The following BACH2 variants were observed in gnomAD, a reference collection of about 807,000 sequenced individuals.
BACH2 encodes the protein transcription regulator protein BACH2.
BACH2 carries 5 observed loss-of-function variants against 61.8 expected under a neutral mutation model. The ratio of observed to expected loss-of-function variants is 0.08; its 90% CI spans 0.04 to 0.17. The LOEUF is 0.17. Ranked by LOEUF, BACH2 falls within the 10% of genes least tolerant of loss-of-function variation. BACH2 has a pLI of 1.00. For synonymous variants in BACH2, 446 were observed against 440.1 expected, an observed-to-expected ratio of 1.01 and a Z score of -0.17; for missense variants, 824 against 1,091.1, an observed-to-expected ratio of 0.76 and a Z score of 3.45.
intron 4 of BACH2, among the ~76,000 whole-genome samples, chr6:90,172,052 A>C (rs1327243874): frequency 1.3e-5 from 2 of 152,254 alleles, no homozygotes; most frequent in African/African-American, 4.8e-5. Context: ...TCACGCCTGT[A>C]ATTCCAGCAC....
intron 6 of BACH2, among the ~76,000 whole-genome samples, chr6:89,984,849 AACAC>A (rs2128363919): frequency 6.6e-6 from 1 of 152,372 alleles, no homozygotes; most frequent in Admixed American, 6.5e-5. Context: ...TCTCAAGTTT[AACAC>A]ACGAATCATA....
chr6:90,234,852 G>T (rs2127861753), intron 3 of BACH2, among the ~76,000 whole-genome samples: 1 of 152,316 alleles, frequency 6.6e-6, no homozygotes, highest in South Asian at 2.1e-4. Context: ...GCTAGAGGCA[G>T]CCTAGGGCCA....
intron 1 of BACH2, among the ~76,000 whole-genome samples, chr6:90,278,616 C>T (rs1771765816): frequency 6.6e-6 from 1 of 152,190 alleles, no homozygotes; most frequent in Non-Finnish European, 1.5e-5. Context: ...CCCTTCAATG[C>T]TCTGTACATT....
intron 3 of BACH2, among the ~76,000 whole-genome samples, chr6:90,214,447 T>C (rs1769460391): frequency 6.6e-6 from 1 of 152,166 alleles, no homozygotes; most frequent in Non-Finnish European, 1.5e-5. Context: ...ATGGGTTACT[T>C]CAGAGTGATC....
At chr6:90,188,859 GC>G (rs1472269195) in intron 4 of BACH2, among the ~76,000 whole-genome samples, 1 of 151,340 alleles carries the variant, frequency 6.6e-6, no homozygotes, top group Non-Finnish European at 1.5e-5. Flanking sequence ...CCAAAGGCTA[GC>G]TCTGAACATT....
At chr6:90,005,048 T>C (rs1250773018) in intron 6 of BACH2, among the ~76,000 whole-genome samples, 2 of 152,158 alleles carry the variant, frequency 1.3e-5, no homozygotes, top group Non-Finnish European at 2.9e-5. Context: ...TATTTTTGTC[T>C]GTCTTTCAGT....
At chr6:90,211,032 G>A (rs139198907) in intron 3 of BACH2, among the ~76,000 whole-genome samples, 1,553 of 143,958 alleles carry the variant, frequency 0.011, 35 homozygotes, top group African/African-American at 0.038. Flanking sequence ...GGGCAGGCCT[G>A]TAATCCCAGC....
chr6:90,018,666 A>G (rs918850750), intron 5 of BACH2, among the ~76,000 whole-genome samples: 1 of 152,226 alleles, frequency 6.6e-6, no homozygotes, highest in Admixed American at 6.5e-5. Flanking sequence ...CATAGTATAA[A>G]CTTTGCTCTG....
chr6:90,174,652 G>A (rs1767929395), intron 4 of BACH2, among the ~76,000 whole-genome samples: 2 of 151,874 alleles, frequency 1.3e-5, no homozygotes, highest in Non-Finnish European at 2.9e-5. Context: ...CCATATACAT[G>A]ATAAAATGTA....
intron 1 of BACH2, among the ~76,000 whole-genome samples, chr6:90,292,676 A>T (rs561636188): frequency 5.0e-4 from 76 of 152,288 alleles, no homozygotes; most frequent in Non-Finnish European, 9.3e-4. Context: ...CATCCACTAT[A>T]TGCCAGGCCT....
intron 4 of BACH2, among the ~76,000 whole-genome samples, chr6:90,128,442 G>A (rs1463703462): frequency 1.3e-5 from 2 of 152,186 alleles, no homozygotes; most frequent in Non-Finnish European, 2.9e-5. Context: ...TTAGCTGGGT[G>A]TGATGGCGGG....
At chr6:90,288,382 A>C (rs1437535213) in intron 1 of BACH2, among the ~76,000 whole-genome samples, 1 of 152,020 alleles carries the variant, frequency 6.6e-6, no homozygotes, top group African/African-American at 2.4e-5. Context: ...CTTTCTCCAA[A>C]ATTTGAACTA....
chr6:90,027,295 T>C (rs1015706585), intron 5 of BACH2, among the ~76,000 whole-genome samples: 9 of 152,196 alleles, frequency 5.9e-5, no homozygotes, highest in Non-Finnish European at 1.3e-4. Flanking sequence ...CCCTGTCCTG[T>C]CCTTGGCAGC....
chr6:90,038,059 G>C (rs2127790104), intron 5 of BACH2, among the ~76,000 whole-genome samples: 1 of 152,316 alleles, frequency 6.6e-6, no homozygotes, highest in East Asian at 1.9e-4. Context: ...CTAACCTCTA[G>C]AACTGTGAGG....
chr6:90,082,689 T>C (rs1781774649), intron 5 of BACH2, among the ~76,000 whole-genome samples: 1 of 152,226 alleles, frequency 6.6e-6, no homozygotes, highest in Non-Finnish European at 1.5e-5. Context: ...AATTTTCTGC[T>C]ATTTTATAAA....
chr6:90,102,650 C>T (rs1217306584), intron 4 of BACH2, among the ~76,000 whole-genome samples: 1 of 151,858 alleles, frequency 6.6e-6, no homozygotes, highest in African/African-American at 2.4e-5. Flanking sequence ...ATTAGCTGGG[C>T]ATGATGGCGG....
chr6:89,950,185 T>A lies in BACH2; in HGVS notation c.1836+85A>T, dbSNP rs1773990915. On this transcript the variant is annotated intron_variant, in intron 7 of 8. Coordinates refer to ENST00000257749, the MANE Select transcript of BACH2 (RefSeq NM_021813.4). The surrounding 1 kb of genome is among the most constrained non-coding windows in gnomAD (Gnocchi z 5.3). ...CTTTAATCTTAGCACGTAAGAACAA[T>A]GTGGGAGTGGTGGGGGGCAGGGAGT... 1.4e-6 allele frequency: 2 copies of A among 1,448,020 alleles called. No homozygotes were observed. The highest frequency in any genetic ancestry group is 9.7e-7 in the Non-Finnish European group (1 of 1,030,538). The allele number at this position is 1,448,020 out of a possible 1,614,324, so 89.7% of individuals were successfully genotyped here.
At chr6:90,123,614 CA>C (rs1160886818) in intron 4 of BACH2, among the ~76,000 whole-genome samples, 5 of 151,172 alleles carry the variant, frequency 3.3e-5, no homozygotes. Flanking sequence ...ACTAAAAATA[CA>C]TAAAATTAGC....
intron 2 of BACH2, among the ~76,000 whole-genome samples, chr6:90,260,892 A>G (rs1214975566): frequency 2.0e-5 from 3 of 152,196 alleles, no homozygotes; most frequent in Non-Finnish European, 4.4e-5. Flanking sequence ...GCTCAGGCCA[A>G]TAGGAGTTCT....
Sources: gnomAD v4.1 joint callset for allele counts (sites outside exome capture counted in the v4.1 genomes callset) on GRCh38, gnomAD v4.1.1 for gene constraint, Gnocchi (gnomAD v3.1) non-coding constraint, MANE v1.5 for transcripts, NCBI Gene and HGNC (gene_info 2026-07-23, HGNC 2026-07-21) for gene names.